Variants in ROR1 observed in about 807,000 individuals in gnomAD.
ROR1 encodes ROR family WNT receptor 1, also known as inactive tyrosine-protein kinase transmembrane receptor ROR1.
A neutral mutation model predicts 78.8 loss-of-function variants in ROR1; 19 were observed. The observed-to-expected ratio is 0.24, with a 90% CI of 0.17 to 0.35. The LOEUF is 0.35. Ranked by LOEUF, ROR1 falls within the 10% of genes least tolerant of loss-of-function variation. The probability of loss-of-function intolerance (pLI) is 1.00; values close to 1 mark genes in which losing one functional copy is unlikely to be tolerated. For synonymous variants in ROR1, 386 were observed against 433.6 expected, an observed-to-expected ratio of 0.89 and a Z score of 1.36; for missense variants, 917 against 1,177.8, an observed-to-expected ratio of 0.78 and a Z score of 3.24.
intron 1 of ROR1, among the ~76,000 whole-genome samples, chr1:63,782,544 G>T (rs1041999853): frequency 4.1e-5 from 5 of 121,330 alleles, no homozygotes; most frequent in African/African-American, 2.0e-4. Context: ...AGATTTTGAG[G>T]TTTTTTTTTT....
chr1:63,975,348 G>A (rs1646151180), intron 1 of ROR1, among the ~76,000 whole-genome samples: 1 of 152,122 alleles, frequency 6.6e-6, no homozygotes, highest in Admixed American at 6.6e-5. Context: ...GCTGGCACTG[G>A]ACTGAAGAGA....
intron 1 of ROR1, among the ~76,000 whole-genome samples, chr1:63,793,729 C>T (rs1644740792): frequency 6.6e-6 from 1 of 152,192 alleles, no homozygotes; most frequent in African/African-American, 2.4e-5. Flanking sequence ...CTTCAGCGGT[C>T]ACTTGGTGAT....
intron 1 of ROR1, among the ~76,000 whole-genome samples, chr1:63,878,019 T>C (rs1308681417): frequency 6.6e-6 from 1 of 152,184 alleles, no homozygotes; most frequent in Non-Finnish European, 1.5e-5. Flanking sequence ...GTAGTGCTTC[T>C]AGAGTGCTTT....
At position 64,165,610 on chromosome 1, in the gene ROR1, G is replaced by T. The variant is rs556656906; in HGVS notation, c.1386+6418G>T. On this transcript the variant is annotated intron_variant, in intron 8 of 8. Transcript: ENST00000371079. ...TTTTGCTCTGGTTTTGATTGCTTTT[G>T]GTGTCTTCGTCATGAAATCTTTGCC... Among the ~76,000 whole-genome samples the T allele has an allele frequency of 2.0e-5, 3 of 151,600 alleles. No individual in the cohort carries two copies. In the South Asian group the frequency reaches 6.3e-4, roughly 32 times the overall value.
chr1:63,924,013 G>T (rs1473956193), intron 1 of ROR1, among the ~76,000 whole-genome samples: 1 of 151,606 alleles, frequency 6.6e-6, no homozygotes, highest in Non-Finnish European at 1.5e-5. Flanking sequence ...CTAAACACGG[G>T]GTTCTTCCAT....
chr1:63,929,111 C>T (rs1416733800), intron 1 of ROR1, among the ~76,000 whole-genome samples: 2 of 152,210 alleles, frequency 1.3e-5, no homozygotes, highest in African/African-American at 4.8e-5. Context: ...CCACCCTTTC[C>T]AGACTCCACA....
chr1:63,933,370 T>C (rs926689355), intron 1 of ROR1, among the ~76,000 whole-genome samples: 4 of 152,198 alleles, frequency 2.6e-5, no homozygotes, highest in African/African-American at 9.6e-5. Flanking sequence ...TGCATGGTAC[T>C]AGGCAGGAGC....
chr1:64,128,454 G>A (rs1320373428), intron 4 of ROR1, among the ~76,000 whole-genome samples: 2 of 152,156 alleles, frequency 1.3e-5, no homozygotes, highest in African/African-American at 4.8e-5. Flanking sequence ...AGGTGACAGA[G>A]TGAGATCCTG....
At chr1:64,142,156 A>G (rs1476772503) in intron 6 of ROR1, among the ~76,000 whole-genome samples, 1 of 152,190 alleles carries the variant, frequency 6.6e-6, no homozygotes, top group East Asian at 1.9e-4. Context: ...TGTTAGAAAT[A>G]CTTTTGGAAG....
chr1:64,126,551 G>T (rs1330816460), intron 4 of ROR1, among the ~76,000 whole-genome samples: 1 of 152,122 alleles, frequency 6.6e-6, no homozygotes, highest in Admixed American at 6.6e-5. Flanking sequence ...GAATTGGAAA[G>T]AACATATTAT....
chr1:63,824,660 G>A (rs1365346900), intron 1 of ROR1, among the ~76,000 whole-genome samples: 1 of 152,058 alleles, frequency 6.6e-6, no homozygotes, highest in Admixed American at 6.6e-5. Flanking sequence ...GCTGAGGCTT[G>A]GATATGTATC....
intron 4 of ROR1, among the ~76,000 whole-genome samples, chr1:64,090,518 A>G (rs1200038268): frequency 1.3e-5 from 2 of 152,222 alleles, no homozygotes; most frequent in Non-Finnish European, 2.9e-5. Flanking sequence ...AGATAAACAA[A>G]TAAACATATT....
intron 1 of ROR1, among the ~76,000 whole-genome samples, chr1:63,862,998 T>C (rs1645191445): frequency 6.6e-6 from 1 of 152,242 alleles, no homozygotes; most frequent in Non-Finnish European, 1.5e-5. Context: ...GGACAGCATC[T>C]TGCCTAATCA....
chr1:63,774,628 C>T lies in ROR1; in HGVS notation c.91+120C>T. The stretch of plus-strand genomic sequence containing the variant: ...CGCGCTGGCTCCGGGGCGCGTCCGG[C>T]CACCCGCCACGGGGCTCGCCGGCGC... On this transcript the variant is annotated intron_variant, in intron 1 of 8. Coordinates refer to ENST00000371079, the MANE Select transcript of ROR1 (RefSeq NM_005012.4). This position sits in a 1 kb window ranked among gnomAD's most constrained non-coding sequence, Gnocchi z 5.7. 2.4e-6 allele frequency: 1 copy of T among 411,056 alleles called. No homozygotes were observed. Among genetic ancestry groups the T allele is most frequent in the Non-Finnish European group, 3.3e-6 (1 of 301,256 alleles). 25.5% of individuals were successfully genotyped at this position (411,056 alleles called of 1,614,324 possible).
rs552702901 is a variant in ROR1 at position 63,847,458 on chromosome 1, C to G, written c.91+72950C>G. ...CCTTCCAGTAATAAAGCCCCTTGGA[C>G]AAGGGCCAGGGAGATTCATCTCCCA... On this transcript the variant is annotated intron_variant, in intron 1 of 8. Coordinates refer to ENST00000371079, the MANE Select transcript of ROR1 (RefSeq NM_005012.4). Among the ~76,000 whole-genome samples, 4 of 151,976 alleles carry G rather than the reference C, an allele frequency of 2.6e-5. No homozygotes were observed. In the South Asian group the frequency reaches 8.4e-4, roughly 32 times the overall value.
At chr1:64,153,185 T>G (rs974293410) in intron 7 of ROR1, among the ~76,000 whole-genome samples, 1 of 152,208 alleles carries the variant, frequency 6.6e-6, no homozygotes, top group East Asian at 1.9e-4. Flanking sequence ...TCAATATCAC[T>G]AATAATTAGA....
intron 6 of ROR1, 129 bp downstream of exon 6, chr1:64,140,555 C>T (rs1039303289): frequency 7.5e-6 from 6 of 799,192 alleles, no homozygotes; most frequent in Non-Finnish European, 1.2e-5. Context: ...GGGCTGAGTA[C>T]TGTGCCTGAG....
At chr1:64,142,964 G>A in intron 7 of ROR1, 1 of 1,151,820 alleles carries the variant, frequency 8.7e-7, no homozygotes, top group African/African-American at 1.6e-5. Context: ...ATGTTACCCA[G>A]AATGGTCTGC....
chr1:64,175,666 T>G (rs1213879274), intron 8 of ROR1, among the ~76,000 whole-genome samples: 1 of 152,224 alleles, frequency 6.6e-6, no homozygotes, highest in Non-Finnish European at 1.5e-5. Context: ...ATAGAATAAT[T>G]AATGTTCCAA....
Sources: gnomAD v4.1 joint callset for allele counts (sites outside exome capture counted in the v4.1 genomes callset) on GRCh38, gnomAD v4.1.1 for gene constraint, Gnocchi (gnomAD v3.1) non-coding constraint, MANE v1.5 for transcripts, NCBI Gene and HGNC (gene_info 2026-07-23, HGNC 2026-07-21) for gene names.